The following PDE4D variants were observed in gnomAD, a reference collection of about 807,000 sequenced individuals.
The protein encoded by PDE4D is phosphodiesterase 4D.
In PDE4D, 24 loss-of-function variants were observed where a neutral mutation model predicts 87.4. The observed-to-expected ratio is 0.27, with a 90% confidence interval of 0.20 to 0.39. The LOEUF (loss-of-function observed/expected upper bound fraction) is 0.39, where lower values mean the gene tolerates loss of function less well. Among genes scored for constraint, PDE4D ranks in the 10% least tolerant of loss-of-function variants. The pLI is 1.00. For missense variants in PDE4D, 714 were observed against 1,041.0 expected (o/e 0.69, Z 4.32); for synonymous variants, 384 against 383.2 (o/e 1.00, Z -0.02).
rs1462673911 is a variant in PDE4D, at chr5:59,397,508, A to G, written c.456-181540T>C. ...GGGTACATAATGAAATGAAGGCAGA[A>G]ATAAAGATGTTCTTTGAAACCAACG... On this transcript the variant is annotated intron_variant, in intron 1 of 14. Transcript: ENST00000340635. 5.9e-4 allele frequency among the ~76,000 whole-genome samples: 69 copies of G among 116,516 alleles called. 19 individuals are homozygous for G. The highest frequency in any genetic ancestry group is 2.2e-3 in the African/African-American group (64 of 28,722). The allele number at this position is 116,516 out of a possible 152,430, so 76.4% of individuals were successfully genotyped here. A position where few individuals can be genotyped will look rare whatever the true frequency, so the allele number is the denominator to read the frequency against.
chr5:59,366,533 G>A (rs1346730989), intron 1 of PDE4D, among the ~76,000 whole-genome samples: 4 of 152,034 alleles, frequency 2.6e-5, no homozygotes, highest in Admixed American at 6.6e-5. Flanking sequence ...GAAAATTGTT[G>A]GTAAGTTATG....
chr5:60,045,205 G>A (rs1323468868), intron 2 of PDE4D, among the ~76,000 whole-genome samples: 2 of 151,784 alleles, frequency 1.3e-5, no homozygotes, highest in Non-Finnish European at 2.9e-5. Flanking sequence ...TTTTTGATGG[G>A]GTTGTTTGTT....
At chr5:59,444,925 T>C (rs1388632351) in intron 1 of PDE4D, among the ~76,000 whole-genome samples, 2 of 152,232 alleles carry the variant, frequency 1.3e-5, no homozygotes, top group Non-Finnish European at 2.9e-5. Flanking sequence ...ATTCAAGTTC[T>C]GTAACTCAGA....
Position 59,200,738 on chromosome 5 carries a change from T to G in PDE4D, c.648-7202A>C, listed in dbSNP as rs1035569656. 5.3e-4 allele frequency among the ~76,000 whole-genome samples: 79 copies of G among 149,930 alleles called. 3 individuals are homozygous for G. The highest frequency in any genetic ancestry group is 3.3e-4 in the Admixed American group (5 of 15,080). Reference sequence around the variant, plus strand: ...ATACATACATATGTGTATGTATATATATACATACACACATATGAAGTACAT... The same window carrying G: ...ATACATACATATGTGTATGTATATAGATACATACACACATATGAAGTACAT... On this transcript the variant is annotated intron_variant, in intron 2 of 14. Coordinates refer to ENST00000340635, the MANE Select transcript of PDE4D (RefSeq NM_001104631.2).
intron 2 of PDE4D, among the ~76,000 whole-genome samples, chr5:60,156,649 A>T (rs1185635602): frequency 6.6e-6 from 1 of 152,166 alleles, no homozygotes; most frequent in Non-Finnish European, 1.5e-5. Context: ...TTGAAAAATA[A>T]AAGTATAGAG....
At chr5:59,786,746 C>T (rs1765217953) in intron 1 of PDE4D, among the ~76,000 whole-genome samples, 1 of 152,142 alleles carries the variant, frequency 6.6e-6, no homozygotes, top group African/African-American at 2.4e-5. Context: ...CTTGACACAT[C>T]GTCCAACCAA....
upstream of PDE4D, among the ~76,000 whole-genome samples, chr5:59,894,223 G>A (rs754417541): frequency 2.6e-5 from 4 of 152,232 alleles, no homozygotes; most frequent in Non-Finnish European, 4.4e-5. Context: ...CACTGCCCCG[G>A]AGCCTTCCTC....
chr5:59,117,662 G>T (rs1417170586), intron 5 of PDE4D, among the ~76,000 whole-genome samples: 1 of 152,086 alleles, frequency 6.6e-6, no homozygotes, highest in South Asian at 2.1e-4. Context: ...GCTGTTGCAG[G>T]AATATGCTGG....
intron 5 of PDE4D, among the ~76,000 whole-genome samples, chr5:59,175,409 G>A (rs1783656450): frequency 6.6e-6 from 1 of 150,890 alleles, no homozygotes; most frequent in Admixed American, 6.6e-5. Context: ...TTGGGACAGG[G>A]TTATAGGAAG....
At chr5:60,405,784 T>A (rs911109835) in intron 1 of PDE4D, among the ~76,000 whole-genome samples, 4 of 152,254 alleles carry the variant, frequency 2.6e-5, no homozygotes, top group African/African-American at 9.6e-5. Context: ...CATTTCTAGA[T>A]AGTGATTATT....
At chr5:59,535,400 T>C (rs902676514) in intron 1 of PDE4D, among the ~76,000 whole-genome samples, 2 of 152,190 alleles carry the variant, frequency 1.3e-5, no homozygotes, top group Non-Finnish European at 2.9e-5. Flanking sequence ...AGTGAAGGCT[T>C]TTTTCAATTA....
intron 2 of PDE4D, among the ~76,000 whole-genome samples, chr5:60,101,492 G>A (rs954001655): frequency 5.9e-5 from 9 of 152,078 alleles, no homozygotes; most frequent in South Asian, 2.1e-4. Context: ...CCTCCAGTGC[G>A]AAGGTAAACG....
intron 5 of PDE4D, among the ~76,000 whole-genome samples, chr5:59,159,664 A>G (rs980485024): frequency 6.6e-6 from 1 of 152,232 alleles, no homozygotes; most frequent in African/African-American, 2.4e-5. Context: ...TCAAGTAAAC[A>G]CTTGTAGGAT....
rs745534871 is a variant in PDE4D, at chr5:59,053,649, TTTTTTGTTGTTG to T, written c.809-14690_809-14679del. Among the ~76,000 whole-genome samples the T allele has an allele frequency of 2.2e-3, 159 of 73,502 alleles. 3 individuals carry two copies. The highest frequency in any genetic ancestry group is 4.8e-3 in the East Asian group (9 of 1,866). The allele number at this position is 73,502 out of a possible 152,430, so 48.2% of individuals were successfully genotyped here. Reference sequence around the variant, plus strand: ...AATTAAGTTGTTTTGTTTTTTGTTTTTTTTTGTTGTTGTTTTTTTTTTTTGGCCAGGCACGGT... The same window carrying T: ...AATTAAGTTGTTTTGTTTTTTGTTTTTTTTTTTTTTTTGGCCAGGCACGGT... On this transcript the variant is annotated intron_variant, in intron 5 of 14. Transcript: ENST00000340635.
At chr5:59,084,502 A>C (rs1158292048) in intron 5 of PDE4D, among the ~76,000 whole-genome samples, 1 of 144,996 alleles carries the variant, frequency 6.9e-6, no homozygotes, top group East Asian at 2.0e-4. Flanking sequence ...GTATCTGTAA[A>C]AGTAAAAATA....
At chr5:59,965,063 A>G (rs1759885548) in intron 3 of PDE4D, among the ~76,000 whole-genome samples, 1 of 152,168 alleles carries the variant, frequency 6.6e-6, no homozygotes, top group Non-Finnish European at 1.5e-5. Flanking sequence ...ATCTGTGCCC[A>G]TATACTCTAC....
intron 1 of PDE4D, among the ~76,000 whole-genome samples, chr5:59,731,904 T>C (rs994096919): frequency 6.6e-6 from 1 of 152,224 alleles, no homozygotes; most frequent in African/African-American, 2.4e-5. Flanking sequence ...AAGTGCATTA[T>C]AACTGAATGT....
At chr5:59,046,176 G>A (rs1392656612) in intron 5 of PDE4D, among the ~76,000 whole-genome samples, 1 of 152,200 alleles carries the variant, frequency 6.6e-6, no homozygotes, top group Admixed American at 6.5e-5. Flanking sequence ...GACAGAAGGT[G>A]AGACTTTGAA....
At chr5:59,559,986 A>C (rs751339342) in intron 1 of PDE4D, among the ~76,000 whole-genome samples, 9 of 152,198 alleles carry the variant, frequency 5.9e-5, no homozygotes, top group Admixed American at 2.0e-4. Context: ...CAAGTCTTTA[A>C]TAGATTCAAG....
Sources: allele counts gnomAD v4.1 joint callset (sites outside exome capture counted in the v4.1 genomes callset), GRCh38; gene constraint gnomAD v4.1.1; transcripts MANE v1.5; gene names NCBI Gene and HGNC (gene_info 2026-07-23, HGNC 2026-07-21).